Variants in AXDND1 observed in about 807,000 individuals in gnomAD.
AXDND1 encodes the protein axonemal dynein light chain domain-containing protein 1.
In AXDND1, 110 loss-of-function variants were observed where a neutral mutation model predicts 137.5. The ratio of observed to expected loss-of-function variants is 0.80; its 90% confidence interval spans 0.69 to 0.94. The LOEUF is 0.94. AXDND1 is among the 40% of genes least tolerant of loss of function. The pLI is 0.00. For synonymous variants in AXDND1, 414 were observed against 399.7 expected (o/e 1.04, Z -0.43); for missense variants, 1,191 against 1,169.8 (o/e 1.02, Z -0.26).
At chr1:179,506,819 C>T in intron 20 of AXDND1, 1 of 984,002 alleles carries the variant, frequency 1.0e-6, no homozygotes, top group Non-Finnish European at 1.2e-6. Context: ...AATAGGCTTT[C>T]TTTATGTCAC....
intron 23 of AXDND1, among the ~76,000 whole-genome samples, chr1:179,531,414 G>C (rs544688958): frequency 6.6e-6 from 1 of 152,192 alleles, no homozygotes; most frequent in East Asian, 1.9e-4. Flanking sequence ...GTTTAGTTTT[G>C]GGGAAGAGCT....
At chr1:179,497,693 C>T (rs766098200) in intron 20 of AXDND1, among the ~76,000 whole-genome samples, 62 of 152,116 alleles carry the variant, frequency 4.1e-4, no homozygotes, top group Non-Finnish European at 8.5e-4. Flanking sequence ...TAAAAGGCCT[C>T]CAAACAGGAA....
chr1:179,527,052 G>A (rs539617573), intron 22 of AXDND1, among the ~76,000 whole-genome samples: 65 of 152,334 alleles, frequency 4.3e-4, no homozygotes, highest in Non-Finnish European at 8.1e-4. Flanking sequence ...GCAGTCCAAA[G>A]TGAAAGCAAG....
chr1:179,466,370 C>T (rs996497339), intron 16 of AXDND1, among the ~76,000 whole-genome samples: 10 of 148,706 alleles, frequency 6.7e-5, no homozygotes, highest in Non-Finnish European at 1.2e-4. Flanking sequence ...AAGCAGTCCT[C>T]CCCCTTGACC....
intron 21 of AXDND1, among the ~76,000 whole-genome samples, chr1:179,514,453 T>A (rs931793535): frequency 6.6e-6 from 1 of 152,158 alleles, no homozygotes; most frequent in Non-Finnish European, 1.5e-5. Context: ...TCAATTTTCT[T>A]AAATTTATTG....
chr1:179,492,951 G>A lies in AXDND1; in HGVS notation c.2388G>A (p.Lys796=), dbSNP rs780121508. ...TEDLYEVDKL[K]KECYEWINTC... ...ACCTTTATGAGGTGGATAAGTTGAA[G>A]GTAATAACTCTGTCTTCCCCTTAGT... Residue 796 remains lysine, a splice_region_variant and synonymous_variant, in exon 20 of 26, where the codon AAG becomes AAA. Transcript: ENST00000367618. 6.3e-6 allele frequency: 10 copies of A among 1,580,906 alleles called. No individual in the cohort carries two copies. The African/African-American group carries it at 1.2e-4, about 19-fold the overall frequency.
intron 25 of AXDND1, among the ~76,000 whole-genome samples, chr1:179,540,228 T>G (rs910490970): frequency 1.3e-5 from 2 of 152,174 alleles, no homozygotes; most frequent in African/African-American, 4.8e-5. Context: ...TCCAGTTTTG[T>G]TCCCTTGCTG....
Position 179,440,429 on chromosome 1 carries a change from G to A in AXDND1, c.1564-4541G>A, listed in dbSNP as rs555604690. Among the ~76,000 whole-genome samples the A allele has an allele frequency of 1.2e-4, 18 of 152,328 alleles. No individual in the cohort carries two copies. The East Asian group carries it at 3.3e-3, about 28-fold the overall frequency. On this transcript the variant is annotated intron_variant, in intron 15 of 25. Coordinates refer to ENST00000367618, the MANE Select transcript of AXDND1 (RefSeq NM_144696.6). ...ATGAACATAGCTGAGCTTAGCAAAG[G>A]TTGCTATGTGTGTAACATCCATTTG...
chr1:179,421,029 G>GT (rs993110627), intron 12 of AXDND1, among the ~76,000 whole-genome samples: 3 of 149,342 alleles, frequency 2.0e-5, no homozygotes, highest in African/African-American at 7.4e-5. Context: ...TATTCTATTT[G>GT]GGTATCCCTT....
chr1:179,379,631 A>C (rs1647887539), intron 6 of AXDND1, 149 bp downstream of exon 6: 2 of 1,029,868 alleles, frequency 1.9e-6, no homozygotes, highest in South Asian at 3.7e-5. Flanking sequence ...CCGTCTCTAC[A>C]GAAAATACAA....
At chr1:179,442,188 C>T (rs1659083064) in intron 15 of AXDND1, among the ~76,000 whole-genome samples, 1 of 152,112 alleles carries the variant, frequency 6.6e-6, no homozygotes, top group Admixed American at 6.6e-5. Context: ...CCAAACGAGG[C>T]CGTACAGATG....
chr1:179,399,137 A>C (rs900546144), intron 11 of AXDND1, among the ~76,000 whole-genome samples: 2 of 152,174 alleles, frequency 1.3e-5, no homozygotes, highest in African/African-American at 4.8e-5. Flanking sequence ...TATTGTATGC[A>C]CTATTCTACA....
rs143167796 is a variant in AXDND1, at chr1:179,464,513, A to G, written c.1799-3930A>G. Among the ~76,000 whole-genome samples the G allele has an allele frequency of 8.7e-3, 1,317 of 152,156 alleles. 41 individuals are homozygous for G. The highest frequency in any genetic ancestry group is 0.056 in the Admixed American group (853 of 15,278). ...TTAATCTGATGGACTTCCCTTTGTGAGTAACCCGACTTTTCTCTGTGGCTG... is the reference window on the plus strand; with the variant it reads ...TTAATCTGATGGACTTCCCTTTGTGGGTAACCCGACTTTTCTCTGTGGCTG... On this transcript the variant is annotated intron_variant, in intron 16 of 25. Coordinates refer to ENST00000367618, the MANE Select transcript of AXDND1 (RefSeq NM_144696.6).
intron 16 of AXDND1, among the ~76,000 whole-genome samples, chr1:179,463,915 T>A (rs560768954): frequency 2.9e-4 from 44 of 152,330 alleles, no homozygotes; most frequent in African/African-American, 1.1e-3. Context: ...GTTTAAAGTC[T>A]GTTTTATCAG....
In AXDND1 at chr1:179,439,970, A is replaced by T. The variant is rs182389114; in HGVS notation, c.1564-5000A>T. Among the ~76,000 whole-genome samples the T allele has an allele frequency of 5.3e-3, 804 of 152,344 alleles. 9 individuals are homozygous for T. Among genetic ancestry groups the T allele is most frequent in the African/African-American group, 0.019 (780 of 41,576 alleles). ...TTTCCATTGTCCTTCTTCTGCAGAT[A>T]TCCGTAACATTTTCGGATAAATTTT... On this transcript the variant is annotated intron_variant, in intron 15 of 25. Transcript: ENST00000367618.
chr1:179,453,053 A>G (rs1156790152), intron 16 of AXDND1: 2 of 152,238 alleles, frequency 1.3e-5, no homozygotes, highest in African/African-American at 4.8e-5. Context: ...GGCAGCTTCC[A>G]TGTGGTATTG....
At chr1:179,540,872 G>A (rs1403699308) in intron 25 of AXDND1, among the ~76,000 whole-genome samples, 2 of 152,192 alleles carry the variant, frequency 1.3e-5, no homozygotes, top group African/African-American at 4.8e-5. Flanking sequence ...CTTTTGTTTA[G>A]ATATGCCCTG....
intron 16 of AXDND1, among the ~76,000 whole-genome samples, chr1:179,460,438 C>G (rs193166936): frequency 2.6e-3 from 401 of 152,250 alleles, no homozygotes; most frequent in African/African-American, 9.4e-3. Context: ...TTCTTAATCC[C>G]CAGTCTATCA....
chr1:179,445,888 A>T (rs1301187054), intron 16 of AXDND1, among the ~76,000 whole-genome samples: 1 of 152,076 alleles, frequency 6.6e-6, no homozygotes, highest in African/African-American at 2.4e-5. Context: ...TGGTCATTTG[A>T]TAACTATATC....
Sources: allele counts gnomAD v4.1 joint callset (sites outside exome capture counted in the v4.1 genomes callset), GRCh38; gene constraint gnomAD v4.1.1; transcripts MANE v1.5; gene names NCBI Gene and HGNC (gene_info 2026-07-23, HGNC 2026-07-21).